CSF1R: variants seen among roughly 807,000 people sequenced by gnomAD.
The protein encoded by CSF1R is macrophage colony-stimulating factor 1 receptor.
Under a neutral mutation model 110.0 loss-of-function variants are expected in CSF1R, and 40 were observed. The ratio of observed to expected loss-of-function variants is 0.36; its 90% CI spans 0.28 to 0.47. The LOEUF (loss-of-function observed/expected upper bound fraction) is 0.47. Ranked by LOEUF, CSF1R falls within the 20% of genes least tolerant of loss-of-function variation. The probability of loss-of-function intolerance (pLI) is 0.99; values close to 1 mark genes in which losing one functional copy is unlikely to be tolerated. For missense variants in CSF1R, 1,052 were observed against 1,253.0 expected, an observed-to-expected ratio of 0.84 and a Z score of 2.42; for synonymous variants, 523 against 503.4, an observed-to-expected ratio of 1.04 and a Z score of -0.52.
At chr5:150,072,344 A>G (rs1368538219) in intron 6 of CSF1R, among the ~76,000 whole-genome samples, 1 of 152,028 alleles carries the variant, frequency 6.6e-6, no homozygotes, top group Non-Finnish European at 1.5e-5. Flanking sequence ...AAATACAAAA[A>G]TTAGCTGGGT....
At chr5:150,101,660 CTTTT>C (rs34618542) in intron 1 of CSF1R, among the ~76,000 whole-genome samples, 1 of 140,054 alleles carries the variant, frequency 7.1e-6, no homozygotes, top group Admixed American at 7.1e-5. Context: ...TCCTTGCCTT[CTTTT>C]TTTTTTTTTT....
At chr5:150,101,155 A>G (rs1005456227) in intron 1 of CSF1R, among the ~76,000 whole-genome samples, 1 of 152,056 alleles carries the variant, frequency 6.6e-6, no homozygotes, top group African/African-American at 2.4e-5. Context: ...CTATAGAATG[A>G]GATGGAAGTG....
rs1464650297 is a variant in CSF1R, at chr5:150,080,145, C to A, written c.499G>T (p.Ala167Ser). 2 of 1,614,084 alleles carry A rather than the reference C, an allele frequency of 1.2e-6. No homozygotes were observed. The highest frequency in any genetic ancestry group is 2.2e-5 in the East Asian group (1 of 44,884). The change falls in exon 3 of 21, where the codon GCC (alanine) becomes TCC (serine). Residue 167 changes from alanine to serine, a missense_variant. Around this residue, in one of 5 missense-constraint regions of CSF1R, gnomAD observed 693 missense variants for 735.4 expected, o/e 0.94. Transcript: ENST00000675795. ...SPWHGFTIHRAKFIQSQDYQC... is the reference protein window; with the variant it reads ...SPWHGFTIHRSKFIQSQDYQC... Reference sequence around the variant, plus strand: ...TAGTCCTGGCTCTGAATGAACTTGGCCCTGTGGATGGTGAAGCCATGCCAG... The same window carrying A: ...TAGTCCTGGCTCTGAATGAACTTGGACCTGTGGATGGTGAAGCCATGCCAG...
chr5:150,089,531 G>A (rs370708166), upstream of CSF1R, among the ~76,000 whole-genome samples: 7 of 152,266 alleles, frequency 4.6e-5, no homozygotes, highest in Admixed American at 3.9e-4. Context: ...ACAAAACACT[G>A]TTGAAAGAAA....
At chr5:150,064,473 T>G (rs1342521504) in intron 10 of CSF1R, among the ~76,000 whole-genome samples, 3 of 152,158 alleles carry the variant, frequency 2.0e-5, no homozygotes, top group Non-Finnish European at 2.9e-5. Flanking sequence ...CTCTGCGTTA[T>G]AGCTTGGGAG....
chr5:150,112,305 A>AGGAG (rs1759744026), intron 1 of CSF1R, among the ~76,000 whole-genome samples: 1 of 152,270 alleles, frequency 6.6e-6, no homozygotes, highest in African/African-American at 2.4e-5. Flanking sequence ...AGTAGGACTC[A>AGGAG]GGTCACTGGG....
In CSF1R at chr5:150,059,879, T is replaced by G. The variant is rs759805339; in HGVS notation, c.1970-17A>C. 1 of 1,596,874 alleles carries G rather than the reference T, an allele frequency of 6.3e-7. No individual in the cohort carries two copies. Among genetic ancestry groups the G allele is most frequent in the South Asian group, 1.1e-5 (1 of 90,548 alleles). ...GTACAGGGCCTAGAGCAGCCAAGGG[T>G]GTGGGGTGAGGGAGGTGCTGAGTGC... On this transcript the variant is annotated splice_polypyrimidine_tract_variant and intron_variant, in intron 13 of 20. Transcript: ENST00000675795.
chr5:150,060,839 C>G (rs1440724464), intron 13 of CSF1R, 23 bp downstream of exon 13: 11 of 1,546,364 alleles, frequency 7.1e-6, no homozygotes, highest in Non-Finnish European at 9.7e-6. Flanking sequence ...AGACCTTGGC[C>G]CCAGGAACCC....
chr5:150,078,659 C>T lies in CSF1R; in HGVS notation c.593-411G>A, dbSNP rs1209382842. Among the ~76,000 whole-genome samples, 8 of 152,192 alleles carry T rather than the reference C, an allele frequency of 5.3e-5. 1 individual carries two copies. The highest frequency in any genetic ancestry group is 1.2e-4 in the Non-Finnish European group (8 of 68,038). On this transcript the variant is annotated intron_variant, in intron 3 of 20. Transcript: ENST00000675795. ...TACTCTCAGAAAAGAAGTCAAAGTCCTTCCACAGCCCAACCTGTTTCTGAC... is the reference window on the plus strand; with the variant it reads ...TACTCTCAGAAAAGAAGTCAAAGTCTTTCCACAGCCCAACCTGTTTCTGAC...
In CSF1R at chr5:150,078,202, C is replaced by T. The variant is rs1266991803; in HGVS notation, c.639G>A (p.Val213=). Reference sequence around the variant, plus strand: ...TCTGGGCAGCCTCCCCTCGAATCCGCACCAGCTCTGCAGGCACCAGTGTCA... The same window carrying T: ...TCTGGGCAGCCTCCCCTCGAATCCGTACCAGCTCTGCAGGCACCAGTGTCA... ...PALTLVPAEL[V]RIRGEAAQIV... is the part of the protein sequence containing the mutation. Residue 213 remains valine, a synonymous_variant, in exon 4 of 21, where the codon GTG becomes GTA. Transcript: ENST00000675795. The T allele has an allele frequency of 6.2e-6, 10 of 1,614,130 alleles. No individual in the cohort carries two copies. The highest frequency in any genetic ancestry group is 1.7e-5 in the Admixed American group (1 of 60,012).
At chr5:150,078,381 C>T (rs1253139150) in intron 3 of CSF1R, 133 bp from the exon 4 acceptor site, 2 of 1,153,100 alleles carry the variant, frequency 1.7e-6, no homozygotes, top group Admixed American at 5.2e-5. Context: ...TCCTGGGAGG[C>T]AGCCTTGATG....
intron 1 of CSF1R, among the ~76,000 whole-genome samples, chr5:150,085,370 C>T (rs547611325): frequency 6.6e-6 from 1 of 151,618 alleles, no homozygotes; most frequent in Non-Finnish European, 1.5e-5. Flanking sequence ...TCATCAGGGA[C>T]CAGAAGCGCC....
rs373303202 is a variant in CSF1R at position 150,085,827 on chromosome 5, A to C, written c.49+552T>G. Among the ~76,000 whole-genome samples, 3 of 152,250 alleles carry C rather than the reference A, an allele frequency of 2.0e-5. No homozygotes were observed. The East Asian group carries it at 5.8e-4, about 29-fold the overall frequency. On this transcript the variant is annotated intron_variant, in intron 1 of 20. Transcript: ENST00000675795. ...AGATCTTGCATAGAATCATCGAATCACAGGCTGGCAGAGCTGCCAGAGCCA... is the reference window on the plus strand; with the variant it reads ...AGATCTTGCATAGAATCATCGAATCCCAGGCTGGCAGAGCTGCCAGAGCCA...
At chr5:150,054,666 A>G (rs1757112445) in intron 19 of CSF1R, 1 of 498,596 alleles carries the variant, frequency 2.0e-6, no homozygotes. Flanking sequence ...TGGTATCCTC[A>G]GGGTAACTGT....
In CSF1R at chr5:150,056,152, C is replaced by G. The variant is rs2113778904; in HGVS notation, c.2443-15G>C. ...GGCAGGCGGGCCTGGGATGACAGTC[C>G]CCAGTTATTTTGGGCCCCGACTCTT... On this transcript the variant is annotated splice_polypyrimidine_tract_variant and intron_variant, in intron 17 of 20. Transcript: ENST00000675795. 2 of 1,614,174 alleles carry G rather than the reference C, an allele frequency of 1.2e-6. No homozygotes were observed. The highest frequency in any genetic ancestry group is 1.7e-6 in the Non-Finnish European group (2 of 1,180,008).
Position 150,069,977 on chromosome 5 carries a change from T to C in CSF1R, c.1406A>G (p.Gln469Arg), listed in dbSNP as rs1194343368. 6.2e-7 allele frequency: 1 copy of C among 1,614,042 alleles called. No individual in the cohort carries two copies. Among genetic ancestry groups the C allele is most frequent in the Non-Finnish European group, 8.5e-7 (1 of 1,180,018 alleles). ...SQEPFHKVTV[Q>R]SLLTVETLEH... Reference sequence around the variant, plus strand: ...TAAGGTCTCAACAGTCAGCAGGCTCTGCACCGTCACCTTGTGGAAGGGCTC... The same window carrying C: ...TAAGGTCTCAACAGTCAGCAGGCTCCGCACCGTCACCTTGTGGAAGGGCTC... The change falls in exon 9 of 21, where the codon CAG becomes CGG. Residue 469 changes from glutamine (Q) to arginine (R), a missense_variant. Transcript: ENST00000675795.
At chr5:150,111,247 C>G (rs1377704172) in intron 1 of CSF1R, among the ~76,000 whole-genome samples, 1 of 152,210 alleles carries the variant, frequency 6.6e-6, no homozygotes, top group African/African-American at 2.4e-5. Flanking sequence ...CAGTCTTTCC[C>G]TCTTTTTCCA....
chr5:150,059,026 A>AACAGGACAACAG (rs1439457503), intron 14 of CSF1R, among the ~76,000 whole-genome samples: 11 of 152,038 alleles, frequency 7.2e-5, no homozygotes, highest in Non-Finnish European at 1.3e-4. Context: ...CAGGAATCAC[A>AACAGGACAACAG]GCAACAGGAC....
At chr5:150,093,585 G>T (rs1348296224) in intron 1 of CSF1R, among the ~76,000 whole-genome samples, 1 of 152,136 alleles carries the variant, frequency 6.6e-6, no homozygotes, top group African/African-American at 2.4e-5. Flanking sequence ...GACAAAGATG[G>T]AAAGAAAGAA....
Sources: allele counts gnomAD v4.1 joint callset (sites outside exome capture counted in the v4.1 genomes callset), GRCh38; gene constraint gnomAD v4.1.1; regional missense constraint gnomAD v4.1.1; transcripts MANE v1.5; gene names NCBI Gene and HGNC (gene_info 2026-07-23, HGNC 2026-07-21).